Variants in CACNA1D observed in about 807,000 individuals in gnomAD.
CACNA1D encodes voltage-dependent L-type calcium channel subunit alpha-1D.
A neutral mutation model predicts 257.1 loss-of-function variants in CACNA1D; 55 were observed. That is an observed-to-expected ratio of 0.21 (90% CI 0.17 to 0.27). CACNA1D has a LOEUF of 0.27. Among genes scored for constraint, CACNA1D ranks in the 10% least tolerant of loss-of-function variants. The probability of loss-of-function intolerance (pLI) is 1.00; values close to 1 mark genes in which losing one functional copy is unlikely to be tolerated. For synonymous variants in CACNA1D, 980 were observed against 1,014.9 expected, an observed-to-expected ratio of 0.97 and a Z score of 0.65; for missense variants, 1,876 against 2,784.0, an observed-to-expected ratio of 0.67 and a Z score of 7.34.
intron 5 of CACNA1D, among the ~76,000 whole-genome samples, chr3:53,664,093 C>T (rs1331501094): frequency 6.6e-6 from 1 of 152,158 alleles, no homozygotes; most frequent in Admixed American, 6.5e-5. Flanking sequence ...ATGTGCCTGT[C>T]TCTCAAGACC....
intron 8 of CACNA1D, among the ~76,000 whole-genome samples, chr3:53,691,749 AATATATATTACATATAAT>A (rs2094523903): frequency 2.0e-5 from 1 of 50,020 alleles, no homozygotes; most frequent in African/African-American, 9.4e-5. Flanking sequence ...TTACATATAT[AATATATATTACATATAAT>A]ATATATATTA....
intron 39 of CACNA1D, chr3:53,786,612 A>C (rs1048089440): frequency 1.2e-5 from 7 of 581,148 alleles, no homozygotes; most frequent in African/African-American, 1.9e-5. Flanking sequence ...CATTTAACTG[A>C]CACTAATTTT....
chr3:53,772,767 C>A, intron 32 of CACNA1D, 66 bp from the exon 33 acceptor site: 1 of 1,205,178 alleles, frequency 8.3e-7, no homozygotes, highest in Non-Finnish European at 1.2e-6. Context: ...TGGGTCTTCT[C>A]AGGCTGTGGC....
At chr3:53,601,562 C>G (rs958241401) in intron 3 of CACNA1D, among the ~76,000 whole-genome samples, 1 of 152,190 alleles carries the variant, frequency 6.6e-6, no homozygotes, top group African/African-American at 2.4e-5. Context: ...CTTTAGCCAT[C>G]CTGGATAATA....
At chr3:53,539,639 C>T (rs774623937) in intron 3 of CACNA1D, among the ~76,000 whole-genome samples, 8 of 152,136 alleles carry the variant, frequency 5.3e-5, no homozygotes, top group African/African-American at 1.4e-4. Context: ...ACATAGAAGT[C>T]GAATTGCTGG....
chr3:53,518,831 A>G (rs893737234), intron 3 of CACNA1D, among the ~76,000 whole-genome samples: 5 of 152,234 alleles, frequency 3.3e-5, no homozygotes, highest in African/African-American at 1.2e-4. Flanking sequence ...TGGCAATATT[A>G]TCAGAATTAC....
At chr3:53,628,538 G>T (rs906684668) in intron 3 of CACNA1D, among the ~76,000 whole-genome samples, 36 of 152,258 alleles carry the variant, frequency 2.4e-4, no homozygotes, top group Middle Eastern at 3.4e-3. Flanking sequence ...TTATAGTCTT[G>T]TAGGAACTTT....
rs1332406942 is a variant in CACNA1D at position 53,804,994 on chromosome 3, G to T, written c.5597G>T (p.Gly1866Val). The T allele has an allele frequency of 3.1e-6, 5 of 1,614,050 alleles. No homozygotes were observed. The highest frequency in any genetic ancestry group is 3.4e-6 in the Non-Finnish European group (4 of 1,179,990). Reference protein sequence around the residue: ...SSPTWSRQNYGYYSRYPGRNI... With the variant: ...SSPTWSRQNYVYYSRYPGRNI... Reference sequence around the variant, plus strand: ...TCTCTGACCTCCAGGCAAAACTATGGCTACTACAGCAGATACCCAGGCAGA... The same window carrying T: ...TCTCTGACCTCCAGGCAAAACTATGTCTACTACAGCAGATACCCAGGCAGA... Residue 1866 changes from glycine to valine, a missense_variant, in exon 45 of 48, where the codon GGC becomes GTC. Around this residue, in one of 10 missense-constraint regions of CACNA1D, gnomAD observed 491 missense variants for 554.3 expected, o/e 0.89. Coordinates refer to ENST00000350061, the MANE Select transcript of CACNA1D (RefSeq NM_001128840.3).
rs1344081125 is a variant in CACNA1D at position 53,812,037 on chromosome 3, G to C, written c.*631G>C. On this transcript the variant is annotated 3_prime_UTR_variant, in exon 48 of 48. Transcript: ENST00000350061. The stretch of plus-strand genomic sequence containing the variant: ...TGATGTGACGCCAGTTTACATAAGA[G>C]AATATCACTCCGATGGTCGGTTTCT... 1.3e-5 allele frequency: 2 copies of C among 152,442 alleles called. No individual in the cohort carries two copies. Among genetic ancestry groups the C allele is most frequent in the African/African-American group, 4.8e-5 (2 of 41,444 alleles). 9.4% of individuals were successfully genotyped at this position (152,442 alleles called of 1,614,324 possible).
intron 42 of CACNA1D, 57 bp downstream of exon 42, chr3:53,801,482 A>G: frequency 1.2e-6 from 2 of 1,604,016 alleles, no homozygotes; most frequent in Non-Finnish European, 1.7e-6. Flanking sequence ...TGTTGCGTCT[A>G]GTCCCAAGGA....
chr3:53,538,349 G>T (rs1217565930), intron 3 of CACNA1D, among the ~76,000 whole-genome samples: 1 of 151,866 alleles, frequency 6.6e-6, no homozygotes, highest in Non-Finnish European at 1.5e-5. Flanking sequence ...TAGAGATGGG[G>T]TTTCACTGTG....
intron 18 of CACNA1D, among the ~76,000 whole-genome samples, 178 bp from the exon 19 acceptor site, chr3:53,732,637 C>G (rs1432111889): frequency 1.3e-5 from 2 of 152,092 alleles, no homozygotes; most frequent in African/African-American, 4.8e-5. Flanking sequence ...CTTCTCAGCA[C>G]CCCCCACCCC....
intron 3 of CACNA1D, among the ~76,000 whole-genome samples, chr3:53,509,327 A>C (rs539736792): frequency 1.3e-5 from 2 of 151,982 alleles, no homozygotes; most frequent in South Asian, 4.2e-4. Flanking sequence ...GCTCATGCTC[A>C]TGAGTGTGTG....
intron 11 of CACNA1D, among the ~76,000 whole-genome samples, chr3:53,720,532 A>T (rs2094871574): frequency 6.6e-6 from 1 of 152,246 alleles, no homozygotes; most frequent in Non-Finnish European, 1.5e-5. Context: ...TCCCATATAT[A>T]TAAAGATTAA....
intron 42 of CACNA1D, 149 bp downstream of exon 42, chr3:53,801,574 C>T (rs376864368): frequency 1.0e-6 from 1 of 1,000,730 alleles, no homozygotes; most frequent in Non-Finnish European, 1.6e-6. Flanking sequence ...TGAGTGCCCC[C>T]CAGGTCACTG....
At chr3:53,805,333 A>T in intron 45 of CACNA1D, 187 bp downstream of exon 45, 1 of 622,564 alleles carries the variant, frequency 1.6e-6, no homozygotes, top group South Asian at 1.9e-5. Context: ...CACGTGATAG[A>T]GCTCTAGCCT....
At chr3:53,595,598 C>T (rs963143898) in intron 3 of CACNA1D, among the ~76,000 whole-genome samples, 19 of 152,120 alleles carry the variant, frequency 1.2e-4, no homozygotes, top group African/African-American at 4.1e-4. Context: ...CAGAGTCTAC[C>T]GACTCTAGAC....
chr3:53,607,637 C>T (rs1020102145), intron 3 of CACNA1D, among the ~76,000 whole-genome samples: 1 of 152,154 alleles, frequency 6.6e-6, no homozygotes, highest in Admixed American at 6.5e-5. Flanking sequence ...GTGGATTCTC[C>T]CCCAGAGAAT....
intron 3 of CACNA1D, among the ~76,000 whole-genome samples, chr3:53,551,692 G>A (rs977250767): frequency 6.6e-6 from 1 of 152,210 alleles, no homozygotes; most frequent in African/African-American, 2.4e-5. Context: ...AACCTTCACT[G>A]GCTCTCTTTT....
Sources: allele counts gnomAD v4.1 joint callset (sites outside exome capture counted in the v4.1 genomes callset), GRCh38; gene constraint gnomAD v4.1.1; regional missense constraint gnomAD v4.1.1; transcripts MANE v1.5; gene names NCBI Gene and HGNC (gene_info 2026-07-23, HGNC 2026-07-21).